Variants in USH2A observed in about 807,000 individuals in gnomAD.
The protein encoded by USH2A is Usher syndrome 2A (autosomal recessive, mild).
A neutral mutation model predicts 538.9 loss-of-function variants in USH2A; 443 were observed. The observed-to-expected ratio is 0.82, with a 90% confidence interval of 0.76 to 0.89. The LOEUF (loss-of-function observed/expected upper bound fraction) is 0.89. Ranked by LOEUF, USH2A falls within the 40% of genes least tolerant of loss-of-function variation. The pLI, the probability that USH2A is intolerant of heterozygous loss-of-function variation, is 0.00. For synonymous variants in USH2A, 2,413 were observed against 2,273.5 expected (o/e 1.06, Z -1.75); for missense variants, 6,633 against 6,324.8 (o/e 1.05, Z -1.65).
At chr1:216,326,659 C>T (rs1227053722) in intron 5 of USH2A, among the ~76,000 whole-genome samples, 1 of 152,084 alleles carries the variant, frequency 6.6e-6, no homozygotes. Context: ...CCATGGCACC[C>T]TTTACTGAGG....
At chr1:215,818,855 GTAGT>G (rs1015888024) in intron 47 of USH2A, among the ~76,000 whole-genome samples, 3 of 151,762 alleles carry the variant, frequency 2.0e-5, no homozygotes, top group African/African-American at 7.2e-5. Context: ...TAAGAAGACA[GTAGT>G]TAAAGTTTTT....
chr1:216,392,708 A>C (rs952661123), intron 3 of USH2A, among the ~76,000 whole-genome samples: 1 of 152,148 alleles, frequency 6.6e-6, no homozygotes, highest in African/African-American at 2.4e-5. Context: ...TTAAAGATGT[A>C]CTATGGTTAA....
At chr1:216,114,060 G>GATT (rs1247577728) in intron 21 of USH2A, among the ~76,000 whole-genome samples, 5 of 151,474 alleles carry the variant, frequency 3.3e-5, no homozygotes, top group African/African-American at 4.8e-5. Flanking sequence ...GTATTAAAAT[G>GATT]ATTATTATAA....
At chr1:216,164,061 C>T (rs994918571) in intron 21 of USH2A, among the ~76,000 whole-genome samples, 1 of 152,016 alleles carries the variant, frequency 6.6e-6, no homozygotes, top group African/African-American at 2.4e-5. Context: ...ATGTTTGATG[C>T]ATGATTTCAC....
At chr1:215,960,365 T>A (rs1667169116) in intron 37 of USH2A, among the ~76,000 whole-genome samples, 1 of 152,126 alleles carries the variant, frequency 6.6e-6, no homozygotes, top group Non-Finnish European at 1.5e-5. Flanking sequence ...TTTTTAAAAA[T>A]TATATATTCA....
At chr1:215,951,847 T>G (rs1307035757) in intron 37 of USH2A, among the ~76,000 whole-genome samples, 1 of 151,308 alleles carries the variant, frequency 6.6e-6, no homozygotes, top group Admixed American at 6.6e-5. Flanking sequence ...TTGGTTTATT[T>G]TTTTTATTTT....
At chr1:216,035,990 T>C (rs1278977613) in intron 32 of USH2A, among the ~76,000 whole-genome samples, 1 of 152,104 alleles carries the variant, frequency 6.6e-6, no homozygotes, top group African/African-American at 2.4e-5. Flanking sequence ...AAATGACAAA[T>C]GTGTAGGAAT....
intron 32 of USH2A, among the ~76,000 whole-genome samples, chr1:216,045,460 A>C (rs951995342): frequency 2.0e-5 from 3 of 152,166 alleles, no homozygotes; most frequent in African/African-American, 7.2e-5. Flanking sequence ...AACCACACTG[A>C]GTCACACTTC....
At chr1:215,807,561 T>C (rs1466037971) in intron 49 of USH2A, among the ~76,000 whole-genome samples, 1 of 152,142 alleles carries the variant, frequency 6.6e-6, no homozygotes, top group Non-Finnish European at 1.5e-5. Context: ...ACCTAAATTC[T>C]AGGCTGTGAC....
chr1:216,058,334 C>T (rs1173392113), intron 30 of USH2A, among the ~76,000 whole-genome samples: 3 of 149,094 alleles, frequency 2.0e-5, no homozygotes, highest in Non-Finnish European at 4.5e-5. Context: ...CCCTATAAAA[C>T]TTTCATTGTC....
intron 32 of USH2A, among the ~76,000 whole-genome samples, chr1:216,028,271 G>A (rs954017785): frequency 6.6e-6 from 1 of 151,810 alleles, no homozygotes; most frequent in Non-Finnish European, 1.5e-5. Context: ...GCCTGTAATC[G>A]CAGCTACTCA....
intron 38 of USH2A, among the ~76,000 whole-genome samples, chr1:215,909,087 T>C (rs914427589): frequency 6.6e-6 from 1 of 151,082 alleles, no homozygotes; most frequent in Admixed American, 6.7e-5. Context: ...TGTATGTGTG[T>C]GTATATATAT....
At position 215,743,265 on chromosome 1, in the gene USH2A, G is replaced by T. The variant is rs1216411092; in HGVS notation, c.11460C>A (p.Ala3820=). The change falls in exon 59 of 72, where the codon GCC becomes GCA. Residue 3820 remains alanine (A), a synonymous_variant. Coordinates refer to ENST00000307340, the MANE Select transcript of USH2A (RefSeq NM_206933.4). The part of the protein sequence containing the change: ...LLNDGSVTPL[A]FSVGHHQSTL... ...TGGATTGATGATGACCAACGGAGAAGGCCAGAGGTGTTACACTTCCATCAT... is the reference window on the plus strand; with the variant it reads ...TGGATTGATGATGACCAACGGAGAATGCCAGAGGTGTTACACTTCCATCAT... The T allele has an allele frequency of 1.2e-6, 2 of 1,611,642 alleles. No homozygotes were observed. Among genetic ancestry groups the T allele is most frequent in the Admixed American group, 1.7e-5 (1 of 59,620 alleles).
intron 64 of USH2A, among the ~76,000 whole-genome samples, chr1:215,662,778 A>G (rs537653464): frequency 1.3e-5 from 2 of 152,320 alleles, no homozygotes; most frequent in South Asian, 4.1e-4. Context: ...TGGGGAGCTT[A>G]GTTCTTGTGG....
At chr1:215,685,546 C>T (rs769060763) in intron 61 of USH2A, among the ~76,000 whole-genome samples, 71 of 152,008 alleles carry the variant, frequency 4.7e-4, no homozygotes, top group Non-Finnish European at 8.8e-4. Flanking sequence ...TAAGTAGAGA[C>T]GGGGTTTCAC....
chr1:215,649,776 A>G lies in USH2A; in HGVS notation c.14343+816T>C, dbSNP rs551508508. On this transcript the variant is annotated intron_variant, in intron 65 of 71. Coordinates refer to ENST00000307340, the MANE Select transcript of USH2A (RefSeq NM_206933.4). ...ATAGTGTAATACCAGGATCTGCACAATCTCTATACAATGTTTGTGTGAACA... is the reference window on the plus strand; with the variant it reads ...ATAGTGTAATACCAGGATCTGCACAGTCTCTATACAATGTTTGTGTGAACA... Among the ~76,000 whole-genome samples the G allele has an allele frequency of 4.6e-5, 7 of 152,282 alleles. No individual in the cohort carries two copies. The East Asian group carries it at 9.7e-4, about 21-fold the overall frequency.
intron 35 of USH2A, among the ~76,000 whole-genome samples, chr1:215,984,129 G>T (rs184993193): frequency 1.3e-5 from 2 of 152,300 alleles, no homozygotes; most frequent in South Asian, 2.1e-4. Flanking sequence ...TGTGAGGAAG[G>T]TTCAGCCTTA....
At chr1:215,897,560 G>A (rs892953889) in intron 40 of USH2A, among the ~76,000 whole-genome samples, 1 of 151,882 alleles carries the variant, frequency 6.6e-6, no homozygotes, top group Non-Finnish European at 1.5e-5. Flanking sequence ...GTGGTGGTGG[G>A]CATCTGTAAT....
intron 32 of USH2A, among the ~76,000 whole-genome samples, chr1:216,034,254 C>T (rs1241483232): frequency 6.6e-6 from 1 of 152,098 alleles, no homozygotes; most frequent in Admixed American, 6.6e-5. Context: ...GTATCACAGA[C>T]ACCAAGAGAA....
Sources: gnomAD v4.1 joint callset for allele counts (sites outside exome capture counted in the v4.1 genomes callset) on GRCh38, gnomAD v4.1.1 for gene constraint, MANE v1.5 for transcripts, NCBI Gene and HGNC (gene_info 2026-07-23, HGNC 2026-07-21) for gene names.